Variants in MYCBP observed in about 807,000 individuals in gnomAD.
MYCBP encodes the protein C-Myc-binding protein.
MYCBP carries 5 observed loss-of-function variants against 16.8 expected under a neutral mutation model. The ratio of observed to expected loss-of-function variants is 0.30; its 90% CI spans 0.16 to 0.63. MYCBP has a LOEUF of 0.63. Ranked by LOEUF, MYCBP falls within the 20% of genes least tolerant of loss-of-function variation. The pLI is 0.83. For synonymous variants in MYCBP, 35 were observed against 43.7 expected (o/e 0.80, Z 0.79); for missense variants, 103 against 121.8 (o/e 0.85, Z 0.73).
At chr1:38,864,949 C>G (rs1642306216) in intron 4 of MYCBP, among the ~76,000 whole-genome samples, 1 of 152,270 alleles carries the variant, frequency 6.6e-6, no homozygotes, top group African/African-American at 2.4e-5. Flanking sequence ...AAATTTCATT[C>G]CAGTTCATGA....
chr1:38,868,698 G>T lies in MYCBP; in HGVS notation c.89-1088C>A, dbSNP rs544381870. 5.3e-5 allele frequency among the ~76,000 whole-genome samples: 8 copies of T among 152,248 alleles called. No homozygotes were observed. The South Asian group carries it at 8.3e-4, about 16-fold the overall frequency. ...AGGCGGGCAGATCACGAAGTCAGGA[G>T]ATCAAGACCATCCTGGCTAACACAG... On this transcript the variant is annotated intron_variant, in intron 2 of 4. Coordinates refer to ENST00000397572, the MANE Select transcript of MYCBP (RefSeq NM_012333.5).
intron 2 of MYCBP, among the ~76,000 whole-genome samples, chr1:38,871,073 C>G (rs1245306001): frequency 6.6e-6 from 1 of 151,962 alleles, no homozygotes; most frequent in Non-Finnish European, 1.5e-5. Flanking sequence ...AACCGCCTCT[C>G]TACTAAAAAT....
At chr1:38,871,368 T>TTAA (rs1642462869) in intron 2 of MYCBP, among the ~76,000 whole-genome samples, 1 of 151,628 alleles carries the variant, frequency 6.6e-6, no homozygotes, top group Non-Finnish European at 1.5e-5. Flanking sequence ...AAATTACTTC[T>TTAA]TAAGAAAGGC....
rs1642278956 is a variant in MYCBP, at chr1:38,863,408, A to G, written c.*1262T>C. The G allele has an allele frequency of 6.6e-6, 1 of 152,244 alleles. No homozygotes were observed. The highest frequency in any genetic ancestry group is 2.4e-5 in the African/African-American group (1 of 41,470). 9.4% of individuals were successfully genotyped at this position (152,244 alleles called of 1,614,324 possible). A position where few individuals can be genotyped will look rare whatever the true frequency, so the allele number is the denominator to read the frequency against. On this transcript the variant is annotated 3_prime_UTR_variant, in exon 5 of 5. Transcript: ENST00000397572. ...TATGAAATAGGAATATGTCTATAAA[A>G]CGACAGTCTACCAGTAAGGAAAATA...
chr1:38,864,665 G>T lies in MYCBP; in HGVS notation c.*5C>A. 6.2e-7 allele frequency: 1 copy of T among 1,613,816 alleles called. No individual in the cohort carries two copies. Among genetic ancestry groups the T allele is most frequent in the Non-Finnish European group, 8.5e-7 (1 of 1,179,798 alleles). On this transcript the variant is annotated 3_prime_UTR_variant, in exon 5 of 5. Transcript: ENST00000397572. ...TTTTCATTGTCTTTCAAACTGAGAAGAATCCTATTCAGCACGCTTCTCCTC... is the reference window on the plus strand; with the variant it reads ...TTTTCATTGTCTTTCAAACTGAGAATAATCCTATTCAGCACGCTTCTCCTC...
At chr1:38,865,504 TGAAAAAA>T (rs1245718699) in intron 4 of MYCBP, among the ~76,000 whole-genome samples, 9 of 152,034 alleles carry the variant, frequency 5.9e-5, no homozygotes, top group African/African-American at 2.2e-4. Context: ...CACAGGACTT[TGAAAAAA>T]GAAAAAACTG....
rs1183747399 is a variant in MYCBP at position 38,873,271 on chromosome 1, C to A, written c.15+20G>T. On this transcript the variant is annotated intron_variant, in intron 1 of 4. Transcript: ENST00000397572. The stretch of plus-strand genomic sequence containing the variant: ...CTTGCTACCGCCCGCATGCCCCCAG[C>A]CACGCCGCGCCCCCCTCACTTTGTA... 1 of 1,599,766 alleles carries A rather than the reference C, an allele frequency of 6.3e-7. No individual in the cohort carries two copies. Among genetic ancestry groups the A allele is most frequent in the Admixed American group, 1.7e-5 (1 of 59,448 alleles).
At chr1:38,870,796 T>G in intron 2 of MYCBP, among the ~76,000 whole-genome samples, 2 of 45,906 alleles carry the variant, frequency 4.4e-5, no homozygotes, top group African/African-American at 9.2e-5. Context: ...CGAGACTCCG[T>G]CTCAAAAAAA....
In MYCBP at chr1:38,873,314, C is replaced by T. The variant is rs755593362; in HGVS notation, c.-9G>A. The T allele has an allele frequency of 3.1e-6, 5 of 1,601,378 alleles. No individual in the cohort carries two copies. The highest frequency in any genetic ancestry group is 1.7e-6 in the Non-Finnish European group (2 of 1,178,618). ...ACTTTGTAATGGGCCATAGTGACAG[C>T]GGCAGCGGCGTAGCTGGCGCCGGAG... On this transcript the variant is annotated 5_prime_UTR_variant, in exon 1 of 5. Coordinates refer to ENST00000397572, the MANE Select transcript of MYCBP (RefSeq NM_012333.5).
chr1:38,870,418 G>A (rs1284200570), intron 2 of MYCBP, among the ~76,000 whole-genome samples: 2 of 152,036 alleles, frequency 1.3e-5, no homozygotes, highest in African/African-American at 4.8e-5. Flanking sequence ...AACACTTGGG[G>A]AAGCTAAGGC....
At chr1:38,871,515 C>T (rs1409835473) in intron 2 of MYCBP, among the ~76,000 whole-genome samples, 3 of 148,478 alleles carry the variant, frequency 2.0e-5, no homozygotes, top group Non-Finnish European at 4.4e-5. Context: ...CTCCTGGGCT[C>T]AGGTGATTCT....
chr1:38,866,542 G>A (rs1159221179), intron 4 of MYCBP, among the ~76,000 whole-genome samples: 5 of 151,740 alleles, frequency 3.3e-5, no homozygotes, highest in Admixed American at 6.6e-5. Context: ...TCAGCCTCCC[G>A]AGTAGCTGGG....
chr1:38,867,936 T>C (rs552172956), intron 2 of MYCBP, among the ~76,000 whole-genome samples: 2 of 152,334 alleles, frequency 1.3e-5, no homozygotes, highest in South Asian at 4.1e-4. Context: ...ACCTAGGGGT[T>C]GAGTGTTTCA....
intron 2 of MYCBP, among the ~76,000 whole-genome samples, chr1:38,869,316 A>G (rs6684319): frequency 0.55 from 83,600 of 151,746 alleles, 25,242 homozygotes; most frequent in Non-Finnish European, 0.68. Context: ...TCGAACTCCC[A>G]GCCTCAGGTG....
intron 2 of MYCBP, among the ~76,000 whole-genome samples, chr1:38,869,080 GGTTTTTTTTTTTT>G (rs1190741859): frequency 2.0e-5 from 3 of 149,880 alleles, no homozygotes; most frequent in Admixed American, 6.6e-5. Context: ...AAATTCATTT[GGTTTTTTTTTTTT>G]GTTTTTTTTT....
At chr1:38,867,036 C>G (rs765707085) in intron 3 of MYCBP, 27 bp from the exon 4 acceptor site, 2 of 1,591,560 alleles carry the variant, frequency 1.3e-6, no homozygotes, top group South Asian at 2.2e-5. Context: ...GAACTTACTT[C>G]TTAGACATGA....
In MYCBP at chr1:38,873,086, G is replaced by A; in HGVS notation, c.20C>T (p.Ala7Val). 1.3e-6 allele frequency: 2 copies of A among 1,560,056 alleles called. No individual in the cohort carries two copies. The highest frequency in any genetic ancestry group is 1.7e-6 in the Non-Finnish European group (2 of 1,152,006). ...CCGGAACTGCTCACGCTTCGAGTCG[G>A]CGGCCTGAAGAGACACCGGGGGTCA... MAHYKA[A>V]DSKREQFRRY... Residue 7 changes from alanine to valine, a missense_variant, in exon 2 of 5, where the codon GCC becomes GTC. Physicochemically the swap from Ala to Val is moderately conservative, Grantham distance 64. Coordinates refer to ENST00000397572, the MANE Select transcript of MYCBP (RefSeq NM_012333.5).
chr1:38,863,189 T>G lies in MYCBP; in HGVS notation c.*1481A>C, dbSNP rs1268325457. The G allele has an allele frequency of 6.6e-6, 1 of 152,230 alleles. No individual in the cohort carries two copies. The highest frequency in any genetic ancestry group is 1.5e-5 in the Non-Finnish European group (1 of 68,034). 9.4% of individuals were successfully genotyped at this position (152,230 alleles called of 1,614,324 possible). A position where few individuals can be genotyped will look rare whatever the true frequency, so the allele number is the denominator to read the frequency against. On this transcript the variant is annotated 3_prime_UTR_variant, in exon 5 of 5. Transcript: ENST00000397572. ...CCCCCTCCAAAAACAAACTTGTGAC[T>G]AGAAGAGGCACCAGCCATAGCCACA... is the stretch of plus-strand genomic sequence containing the variant.
chr1:38,873,244 G>A, intron 1 of MYCBP, 47 bp downstream of exon 1: 2 of 1,595,968 alleles, frequency 1.3e-6, no homozygotes, highest in South Asian at 1.1e-5. Flanking sequence ...GCCGACCAGC[G>A]GCTTGCTACC....
Sources: allele counts gnomAD v4.1 joint callset (sites outside exome capture counted in the v4.1 genomes callset), GRCh38; gene constraint gnomAD v4.1.1; transcripts MANE v1.5; gene names NCBI Gene and HGNC (gene_info 2026-07-23, HGNC 2026-07-21).